CDK17: variants seen among roughly 807,000 people sequenced by gnomAD.
CDK17 encodes cyclin-dependent kinase 17.
In CDK17, 24 loss-of-function variants were observed where a neutral mutation model predicts 77.6. The ratio of observed to expected loss-of-function variants is 0.31; its 90% confidence interval spans 0.22 to 0.44. The LOEUF (loss-of-function observed/expected upper bound fraction) is 0.44, where lower values mean the gene tolerates loss of function less well. CDK17 is among the 20% of genes least tolerant of loss of function. The pLI, the probability that CDK17 is intolerant of heterozygous loss-of-function variation, is 1.00. For synonymous variants in CDK17, 203 were observed against 210.4 expected, an observed-to-expected ratio of 0.96 and a Z score of 0.30; for missense variants, 429 against 622.5, an observed-to-expected ratio of 0.69 and a Z score of 3.31.
At chr12:96,356,873 T>C (rs1953401756) in intron 1 of CDK17, among the ~76,000 whole-genome samples, 1 of 152,218 alleles carries the variant, frequency 6.6e-6, no homozygotes, top group African/African-American at 2.4e-5. Flanking sequence ...TGCTGGGCAA[T>C]AAATTAAAAT....
intron 2 of CDK17, among the ~76,000 whole-genome samples, chr12:96,325,115 A>G (rs1294421823): frequency 1.3e-5 from 2 of 152,218 alleles, no homozygotes; most frequent in Non-Finnish European, 2.9e-5. Context: ...GCTCTGATAC[A>G]GGTTAAAGAT....
At chr12:96,369,156 G>GA (rs910289540) in intron 1 of CDK17, among the ~76,000 whole-genome samples, 6 of 148,902 alleles carry the variant, frequency 4.0e-5, no homozygotes, top group African/African-American at 7.4e-5. Flanking sequence ...TCACAAAAAA[G>GA]AAAAAAAAAG....
intron 1 of CDK17, among the ~76,000 whole-genome samples, chr12:96,341,848 C>A (rs1168917127): frequency 1.3e-5 from 2 of 152,158 alleles, no homozygotes; most frequent in African/African-American, 4.8e-5. Flanking sequence ...TCTTTGCATA[C>A]AATTTCACCT....
intron 1 of CDK17, among the ~76,000 whole-genome samples, chr12:96,382,136 G>A (rs1308454025): frequency 6.6e-6 from 1 of 151,812 alleles, no homozygotes; most frequent in Non-Finnish European, 1.5e-5. Flanking sequence ...GGTGGGAAAG[G>A]GATATCGCAT....
At position 96,286,082 on chromosome 12, in the gene CDK17, G is replaced by A; in HGVS notation, c.1283C>T (p.Pro428Leu). Residue 428 changes from proline (P) to leucine (L), a missense_variant, in exon 13 of 17, where the codon CCA becomes CTA. By Grantham distance (98) the Pro-to-Leu change is moderately conservative. Coordinates refer to ENST00000261211, the MANE Select transcript of CDK17 (RefSeq NM_002595.5). ...SNEEFKNYNF[P>L]KYKPQPLINH... ...AATTAGAGGCTGTGGTTTATATTTT[G>A]GAAAGTTGTAGTTCTTGAACTCCTC... 6.4e-7 allele frequency: 1 copy of A among 1,556,550 alleles called. No individual in the cohort carries two copies. Among genetic ancestry groups the A allele is most frequent in the Non-Finnish European group, 8.7e-7 (1 of 1,148,702 alleles).
chr12:96,357,540 T>C (rs1178847985), intron 1 of CDK17, among the ~76,000 whole-genome samples: 1 of 152,184 alleles, frequency 6.6e-6, no homozygotes, highest in Admixed American at 6.5e-5. Flanking sequence ...GTCGTGAGTG[T>C]GCATATAAGT....
chr12:96,399,143 G>T (rs1037972482), intron 1 of CDK17: 6 of 152,376 alleles, frequency 3.9e-5, no homozygotes, highest in Admixed American at 3.9e-4. Context: ...AAAACCACAG[G>T]AGAGTCAATG....
At chr12:96,281,282 T>C (rs561273387) in intron 15 of CDK17, among the ~76,000 whole-genome samples, 1 of 152,370 alleles carries the variant, frequency 6.6e-6, no homozygotes, top group Admixed American at 6.5e-5. Flanking sequence ...CAAGCTATCT[T>C]TGGAATTTTA....
At chr12:96,303,237 C>T (rs1952532324) in intron 5 of CDK17, 2 of 152,092 alleles carry the variant, frequency 1.3e-5, no homozygotes, top group Admixed American at 1.3e-4. Context: ...AGACATGATT[C>T]CCACTTTCAT....
intron 2 of CDK17, among the ~76,000 whole-genome samples, chr12:96,326,716 C>G (rs1952895729): frequency 6.6e-6 from 1 of 152,170 alleles, no homozygotes; most frequent in Non-Finnish European, 1.5e-5. Flanking sequence ...TTCCCAGGTC[C>G]TGCTGACATT....
intron 5 of CDK17, among the ~76,000 whole-genome samples, chr12:96,310,256 C>T (rs1396659525): frequency 6.6e-6 from 1 of 151,984 alleles, no homozygotes; most frequent in Non-Finnish European, 1.5e-5. Context: ...TCCATACATA[C>T]TGGGATACAT....
intron 1 of CDK17, among the ~76,000 whole-genome samples, chr12:96,348,196 A>T (rs1053103086): frequency 5.3e-5 from 8 of 152,168 alleles, no homozygotes; most frequent in African/African-American, 1.9e-4. Context: ...AATTGGAGAT[A>T]AACAAAATAG....
At chr12:96,364,331 C>T (rs1953548632) in intron 1 of CDK17, among the ~76,000 whole-genome samples, 1 of 152,126 alleles carries the variant, frequency 6.6e-6, no homozygotes, top group African/African-American at 2.4e-5. Flanking sequence ...CTAAAGAATT[C>T]CTGGTTTTCC....
intron 1 of CDK17, among the ~76,000 whole-genome samples, chr12:96,352,363 C>T (rs1179796425): frequency 6.6e-6 from 1 of 151,678 alleles, no homozygotes; most frequent in Non-Finnish European, 1.5e-5. Flanking sequence ...GAGGTAAGGA[C>T]CGAAGCCAGA....
At chr12:96,312,851 C>T (rs1441190974) in intron 4 of CDK17, among the ~76,000 whole-genome samples, 1 of 152,076 alleles carries the variant, frequency 6.6e-6, no homozygotes, top group Non-Finnish European at 1.5e-5. Flanking sequence ...AAGGAAAGGA[C>T]ACCCACTTTT....
chr12:96,286,869 G>A (rs1218077227), intron 11 of CDK17, 108 bp from the exon 12 acceptor site: 7 of 761,242 alleles, frequency 9.2e-6, no homozygotes, highest in Admixed American at 9.0e-5. Flanking sequence ...CTAGCCTGTC[G>A]GAAAACCTCT....
intron 1 of CDK17, among the ~76,000 whole-genome samples, chr12:96,351,426 G>A (rs1404771353): frequency 1.3e-5 from 2 of 151,682 alleles, no homozygotes; most frequent in African/African-American, 2.4e-5. Context: ...GCCAATCAAC[G>A]GATAAACAAA....
At chr12:96,338,602 G>A (rs1953079506) in intron 1 of CDK17, among the ~76,000 whole-genome samples, 1 of 152,062 alleles carries the variant, frequency 6.6e-6, no homozygotes, top group Non-Finnish European at 1.5e-5. Context: ...TGTTGACCAG[G>A]CTGATCTTGA....
intron 1 of CDK17, among the ~76,000 whole-genome samples, chr12:96,348,765 CAAG>C (rs1393910722): frequency 1.3e-5 from 2 of 152,068 alleles, no homozygotes; most frequent in African/African-American, 2.4e-5. Context: ...GCAAAACTCA[CAAG>C]AAGAAAGAGA....
Sources: gnomAD v4.1 joint callset for allele counts (sites outside exome capture counted in the v4.1 genomes callset) on GRCh38, gnomAD v4.1.1 for gene constraint, MANE v1.5 for transcripts, NCBI Gene and HGNC (gene_info 2026-07-23, HGNC 2026-07-21) for gene names.